GRID1: variants seen among roughly 807,000 people sequenced by gnomAD.
GRID1 encodes the protein glutamate ionotropic receptor delta type subunit 1, also known as glutamate receptor ionotropic, delta-1.
A neutral mutation model predicts 98.0 loss-of-function variants in GRID1; 28 were observed. That is an observed-to-expected ratio of 0.29 (90% CI 0.21 to 0.39). The LOEUF is 0.39. GRID1 is among the 10% of genes least tolerant of loss of function. The pLI is 1.00. For missense variants in GRID1, 1,111 were observed against 1,340.5 expected (o/e 0.83, Z 2.67); for synonymous variants, 553 against 538.5 (o/e 1.03, Z -0.37).
In GRID1 at chr10:85,749,550, A is replaced by G. The variant is rs147950797; in HGVS notation, c.1234-19936T>C. 5.0e-3 allele frequency among the ~76,000 whole-genome samples: 760 copies of G among 152,326 alleles called. 6 individuals are homozygous for G. Among genetic ancestry groups the G allele is most frequent in the African/African-American group, 0.017 (718 of 41,582 alleles). ...ATTCCAGAAACATAAATCATGTTAT[A>G]CTACTCCTTCATTTAAAATGTTCCC... On this transcript the variant is annotated intron_variant, in intron 8 of 15. Coordinates refer to ENST00000327946, the MANE Select transcript of GRID1 (RefSeq NM_017551.3).
In GRID1 at chr10:86,131,964, A is replaced by G. The variant is rs77919890; in HGVS notation, c.726+6855T>C. 8.4e-4 allele frequency among the ~76,000 whole-genome samples: 128 copies of G among 152,226 alleles called. 1 individual carries two copies. Among genetic ancestry groups the G allele is most frequent in the Middle Eastern group, 6.8e-3 (2 of 294 alleles). On this transcript the variant is annotated intron_variant, in intron 4 of 15. Transcript: ENST00000327946. Reference sequence around the variant, plus strand: ...ACAGGCCCCAGTTCCTGCCCTTAGCATTCCCAGATCACACAAGGAGGGAGA... The same window carrying G: ...ACAGGCCCCAGTTCCTGCCCTTAGCGTTCCCAGATCACACAAGGAGGGAGA...
At chr10:86,324,831 T>A (rs1848024636) in intron 2 of GRID1, among the ~76,000 whole-genome samples, 1 of 151,836 alleles carries the variant, frequency 6.6e-6, no homozygotes, top group Non-Finnish European at 1.5e-5. Flanking sequence ...TTGACATAAC[T>A]TTTTACAAAA....
At chr10:85,905,783 T>A (rs552579986) in intron 5 of GRID1, among the ~76,000 whole-genome samples, 1 of 152,092 alleles carries the variant, frequency 6.6e-6, no homozygotes, top group East Asian at 1.9e-4. Flanking sequence ...CAATAAAAGT[T>A]AAAATAGAAT....
intron 12 of GRID1, among the ~76,000 whole-genome samples, chr10:85,719,659 C>T (rs557075415): frequency 6.6e-6 from 1 of 152,044 alleles, no homozygotes; most frequent in Non-Finnish European, 1.5e-5. Flanking sequence ...CCCTGGGTCC[C>T]TCCCACAACA....
At chr10:85,904,750 T>G (rs1227741907) in intron 5 of GRID1, among the ~76,000 whole-genome samples, 1 of 148,114 alleles carries the variant, frequency 6.8e-6, no homozygotes, top group African/African-American at 2.5e-5. Flanking sequence ...AGTTGGCAGA[T>G]TAGACATCGA....
intron 4 of GRID1, among the ~76,000 whole-genome samples, chr10:86,040,989 G>T (rs1231796444): frequency 6.6e-6 from 1 of 152,094 alleles, no homozygotes; most frequent in South Asian, 2.1e-4. Context: ...TGCACAACTT[G>T]GCTCTCTCTG....
At chr10:86,117,976 T>G (rs1045709272) in intron 4 of GRID1, among the ~76,000 whole-genome samples, 1 of 152,162 alleles carries the variant, frequency 6.6e-6, no homozygotes, top group African/African-American at 2.4e-5. Flanking sequence ...GGAAAAGAAG[T>G]CATTATACAA....
intron 12 of GRID1, among the ~76,000 whole-genome samples, chr10:85,717,768 C>T (rs1841655838): frequency 6.6e-6 from 1 of 152,202 alleles, no homozygotes; most frequent in Admixed American, 6.5e-5. Context: ...GTCCCTTCCA[C>T]TCATGAGCCT....
chr10:85,617,920 C>T (rs914812197), intron 14 of GRID1, among the ~76,000 whole-genome samples: 10 of 152,164 alleles, frequency 6.6e-5, no homozygotes, highest in Non-Finnish European at 5.9e-5. Flanking sequence ...CCCATGTTGG[C>T]CCTGGCCCTG....
chr10:86,354,636 C>G (rs1377941260), intron 2 of GRID1, among the ~76,000 whole-genome samples: 1 of 152,230 alleles, frequency 6.6e-6, no homozygotes, highest in Non-Finnish European at 1.5e-5. Context: ...GATAATCAAT[C>G]AGATTTGGGA....
At chr10:85,626,076 A>C (rs1842909173) in intron 13 of GRID1, among the ~76,000 whole-genome samples, 1 of 152,258 alleles carries the variant, frequency 6.6e-6, no homozygotes, top group South Asian at 2.1e-4. Context: ...TCTGAAAGGA[A>C]GCACAGAAGG....
rs75007843 is a variant in GRID1 at position 86,050,479 on chromosome 10, A to G, written c.726+88340T>C. Among the ~76,000 whole-genome samples, 806 of 152,356 alleles carry G rather than the reference A, an allele frequency of 5.3e-3. 5 individuals are homozygous for G. The highest frequency in any genetic ancestry group is 0.018 in the African/African-American group (768 of 41,576). Reference sequence around the variant, plus strand: ...AATGCTGATCCACTTCTGGTAAGCAAAAACCAGAAAATTTAACAAGAGTGC... The same window carrying G: ...AATGCTGATCCACTTCTGGTAAGCAGAAACCAGAAAATTTAACAAGAGTGC... On this transcript the variant is annotated intron_variant, in intron 4 of 15. Transcript: ENST00000327946.
intron 8 of GRID1, among the ~76,000 whole-genome samples, chr10:85,837,487 G>C (rs781306373): frequency 6.6e-6 from 1 of 152,148 alleles, no homozygotes; most frequent in Non-Finnish European, 1.5e-5. Context: ...CAAAGTTGGG[G>C]CCCAATACAA....
chr10:86,266,244 C>T (rs1363219801), intron 2 of GRID1, among the ~76,000 whole-genome samples: 1 of 152,070 alleles, frequency 6.6e-6, no homozygotes, highest in East Asian at 1.9e-4. Flanking sequence ...CCAGCTATGA[C>T]TCCAGGACCT....
rs146095270 is a variant in GRID1, at chr10:86,068,083, T to C, written c.726+70736A>G. ...TGTGTTAGACACTTTCCATTCACTA[T>C]TTCACTAACGTTCCTCAGCAAACTT... On this transcript the variant is annotated intron_variant, in intron 4 of 15. Transcript: ENST00000327946. Among the ~76,000 whole-genome samples, 1,470 of 152,320 alleles carry C rather than the reference T, an allele frequency of 9.7e-3. 20 individuals are homozygous for C. The highest frequency in any genetic ancestry group is 0.024 in the Middle Eastern group (7 of 294).
At chr10:86,168,190 A>G (rs376103902) in intron 3 of GRID1, among the ~76,000 whole-genome samples, 11 of 152,362 alleles carry the variant, frequency 7.2e-5, no homozygotes, top group African/African-American at 2.6e-4. Flanking sequence ...ACAGTGAGAC[A>G]GAGCGTGGAC....
At position 85,727,928 on chromosome 10, in the gene GRID1, G is replaced by C; in HGVS notation, c.1460C>G (p.Ala487Gly). The change falls in exon 10 of 16, where the codon GCC becomes GGC. Residue 487 changes from alanine to glycine, a missense_variant. Around this residue, in one of 3 missense-constraint regions of GRID1, gnomAD observed 762 missense variants for 869.1 expected, o/e 0.88. Transcript: ENST00000327946. Reference protein sequence around the residue: ...ALGFKYEIYQAPDGRYGHQLH... With the variant: ...ALGFKYEIYQGPDGRYGHQLH... Reference sequence around the variant, plus strand: ...CTGGTGACCGTACCTGCCATCAGGGGCTTGGTAAATCTCATATTTAAAGCC... The same window carrying C: ...CTGGTGACCGTACCTGCCATCAGGGCCTTGGTAAATCTCATATTTAAAGCC... 6.2e-7 allele frequency: 1 copy of C among 1,613,916 alleles called. No homozygotes were observed. The highest frequency in any genetic ancestry group is 8.5e-7 in the Non-Finnish European group (1 of 1,179,862).
At chr10:86,252,935 AAT>A (rs943557850) in intron 2 of GRID1, among the ~76,000 whole-genome samples, 5 of 152,202 alleles carry the variant, frequency 3.3e-5, no homozygotes, top group Non-Finnish European at 7.3e-5. Flanking sequence ...TAATATTTGT[AAT>A]ATGTTTACTG....
At chr10:86,238,573 G>A (rs962396772) in intron 2 of GRID1, among the ~76,000 whole-genome samples, 1 of 151,822 alleles carries the variant, frequency 6.6e-6, no homozygotes, top group African/African-American at 2.4e-5. Context: ...GGGAGGCTGA[G>A]GCAGGAGAAT....
Sources: allele counts gnomAD v4.1 joint callset (sites outside exome capture counted in the v4.1 genomes callset), GRCh38; gene constraint gnomAD v4.1.1; regional missense constraint gnomAD v4.1.1; transcripts MANE v1.5; gene names NCBI Gene and HGNC (gene_info 2026-07-23, HGNC 2026-07-21).